ARFGEF1: variants seen among roughly 807,000 people sequenced by gnomAD.
ARFGEF1 encodes brefeldin A-inhibited guanine nucleotide-exchange protein 1.
ARFGEF1 carries 42 observed loss-of-function variants against 231.0 expected under a neutral mutation model. That is an observed-to-expected ratio of 0.18 (90% CI 0.14 to 0.24). The LOEUF is 0.24. Ranked by LOEUF, ARFGEF1 falls within the 10% of genes least tolerant of loss-of-function variation. The pLI is 1.00. For missense variants in ARFGEF1, 1,345 were observed against 2,192.0 expected (o/e 0.61, Z 7.72); for synonymous variants, 710 against 732.3 (o/e 0.97, Z 0.49).
chr8:67,285,466 A>T (rs1805716975), intron 7 of ARFGEF1, among the ~76,000 whole-genome samples: 1 of 152,164 alleles, frequency 6.6e-6, no homozygotes, highest in Non-Finnish European at 1.5e-5. Flanking sequence ...GCAGTAAGCC[A>T]AGACTGTACC....
chr8:67,306,918 C>T (rs1250424639), intron 1 of ARFGEF1, among the ~76,000 whole-genome samples: 1 of 152,136 alleles, frequency 6.6e-6, no homozygotes, highest in East Asian at 1.9e-4. Flanking sequence ...GCTGGGACTA[C>T]GGGGTGCCCG....
Position 67,204,426 on chromosome 8 carries a change from C to T in ARFGEF1, c.4959+254G>A, listed in dbSNP as rs1279923362. 6.6e-5 allele frequency among the ~76,000 whole-genome samples: 10 copies of T among 152,268 alleles called. No individual in the cohort carries two copies. The East Asian group carries it at 9.7e-4, about 15-fold the overall frequency. On this transcript the variant is annotated intron_variant, in intron 35 of 38. Coordinates refer to ENST00000262215, the MANE Select transcript of ARFGEF1 (RefSeq NM_006421.5). Reference sequence around the variant, plus strand: ...TGCCTCCCCATGCCTCATGGATTCTCGTCTTCAGTCTCTGCTAGCTGCCTC... The same window carrying T: ...TGCCTCCCCATGCCTCATGGATTCTTGTCTTCAGTCTCTGCTAGCTGCCTC...
intron 1 of ARFGEF1, among the ~76,000 whole-genome samples, chr8:67,321,168 G>T (rs865899969): frequency 3.4e-4 from 52 of 151,734 alleles, no homozygotes; most frequent in Middle Eastern, 6.8e-3. Context: ...AGTATGGGGG[G>T]GGGTTTGGGG....
rs1738539322 is a variant in ARFGEF1 at position 67,179,722 on chromosome 8, T to A, written c.561-4150A>T. On this transcript the variant is annotated intron_variant, in intron 5 of 5. Coordinates refer to the ARFGEF1 transcript ENST00000518789. ...AGGCTTTCCAGTATTTTCTGAGCAT[T>A]GGAATGTAGTCAGTCCTACCTCTAC... 9 of 589,384 alleles carry A rather than the reference T, an allele frequency of 1.5e-5. No homozygotes were observed. The South Asian group carries it at 1.7e-4, about 11-fold the overall frequency. 36.5% of individuals were successfully genotyped at this position (589,384 alleles called of 1,614,324 possible).
chr8:67,207,968 C>T (rs78354709), intron 34 of ARFGEF1, among the ~76,000 whole-genome samples: 1 of 152,270 alleles, frequency 6.6e-6, no homozygotes, highest in East Asian at 1.9e-4. Flanking sequence ...TAGCCAAGTG[C>T]ACACTTTCCA....
intron 10 of ARFGEF1, among the ~76,000 whole-genome samples, chr8:67,270,714 TAA>T (rs11349768): frequency 0.033 from 4,152 of 127,602 alleles, 195 homozygotes; most frequent in African/African-American, 0.11. Context: ...TGGTACACCT[TAA>T]AAAAAAAAAA....
intron 35 of ARFGEF1, among the ~76,000 whole-genome samples, chr8:67,203,842 C>T (rs911973974): frequency 1.3e-5 from 2 of 152,208 alleles, no homozygotes; most frequent in Non-Finnish European, 2.9e-5. Context: ...CTACCCCAAA[C>T]GTACCAGACT....
chr8:67,326,630 A>G, intron 1 of ARFGEF1, among the ~76,000 whole-genome samples: 1 of 152,242 alleles, frequency 6.6e-6, no homozygotes, highest in East Asian at 1.9e-4. Context: ...ACTTAAGATT[A>G]CCAAAGACAT....
At chr8:67,321,662 G>A (rs969767462) in intron 1 of ARFGEF1, among the ~76,000 whole-genome samples, 9 of 151,356 alleles carry the variant, frequency 5.9e-5, no homozygotes, top group South Asian at 2.1e-4. Context: ...GGGTTTCACC[G>A]TGTTAGCCAA....
chr8:67,317,102 G>A (rs1400583977), intron 1 of ARFGEF1, among the ~76,000 whole-genome samples: 2 of 152,168 alleles, frequency 1.3e-5, no homozygotes, highest in Non-Finnish European at 2.9e-5. Flanking sequence ...ACACATCAAT[G>A]AGCTGAGAGG....
In ARFGEF1 at chr8:67,188,746, C is replaced by A. The variant is rs543397557; in HGVS notation, c.560+11650G>T. Among the ~76,000 whole-genome samples, 5 of 152,158 alleles carry A rather than the reference C, an allele frequency of 3.3e-5. No individual in the cohort carries two copies. In the East Asian group the frequency reaches 9.6e-4, roughly 29 times the overall value. ...GATGTCCTCTACACTTCTGATCCAGCGGGGTGGCACCCACTGCTGCTCCCA... is the reference window on the plus strand; with the variant it reads ...GATGTCCTCTACACTTCTGATCCAGAGGGGTGGCACCCACTGCTGCTCCCA... On this transcript the variant is annotated intron_variant, in intron 5 of 5. Coordinates refer to the ARFGEF1 transcript ENST00000518789.
rs528932191 is a variant in ARFGEF1 at position 67,299,341 on chromosome 8, A to G, written c.327T>C (p.Tyr109=). The G allele has an allele frequency of 6.9e-6, 11 of 1,602,444 alleles. No homozygotes were observed. In the East Asian group the frequency reaches 2.5e-4, roughly 36 times the overall value. ...CTGGAGCATTGCCAGTCAAGTGCCC[A>G]TAAGCAATAAGTTTCTAAAATGGAG... The part of the protein sequence containing the change: ...SLDCLQKLIA[Y]GHLTGNAPDS... The change falls in exon 4 of 39, where the codon TAT becomes TAC. Residue 109 remains tyrosine (Y), a synonymous_variant. Coordinates refer to ENST00000262215, the MANE Select transcript of ARFGEF1 (RefSeq NM_006421.5).
At chr8:67,183,306 G>A (rs953907243) in intron 5 of ARFGEF1, among the ~76,000 whole-genome samples, 3 of 152,202 alleles carry the variant, frequency 2.0e-5, no homozygotes, top group African/African-American at 4.8e-5. Context: ...GGATATAATG[G>A]ATGTCGAAAG....
chr8:67,329,702 A>C (rs1258267324), intron 1 of ARFGEF1, among the ~76,000 whole-genome samples: 3 of 151,836 alleles, frequency 2.0e-5, no homozygotes, highest in African/African-American at 7.2e-5. Flanking sequence ...AATTATTAAC[A>C]GTGACTATCT....
At chr8:67,204,996 A>C (rs937000736) in intron 34 of ARFGEF1, 177 bp from the exon 35 acceptor site, 3 of 770,194 alleles carry the variant, frequency 3.9e-6, no homozygotes, top group Non-Finnish European at 5.9e-6. Flanking sequence ...TGATATTTAG[A>C]AAAGCCTCGG....
At chr8:67,224,325 C>T (rs1423651541) in intron 29 of ARFGEF1, among the ~76,000 whole-genome samples, 7 of 152,036 alleles carry the variant, frequency 4.6e-5, no homozygotes, top group Admixed American at 6.6e-5. Flanking sequence ...TCATGTGAGC[C>T]GTGACCTAAG....
chr8:67,240,359 A>G, intron 19 of ARFGEF1, 69 bp from the exon 20 acceptor site: 3 of 1,358,620 alleles, frequency 2.2e-6, no homozygotes, highest in Non-Finnish European at 3.0e-6. Context: ...CAAATCTTTT[A>G]GACAATACAA....
At chr8:67,322,994 C>T (rs1258460433) in intron 1 of ARFGEF1, among the ~76,000 whole-genome samples, 1 of 152,122 alleles carries the variant, frequency 6.6e-6, no homozygotes, top group Non-Finnish European at 1.5e-5. Context: ...CGGTGGCTCA[C>T]GCCTGTAATC....
At chr8:67,238,973 C>A in intron 20 of ARFGEF1, 80 bp from the exon 21 acceptor site, 4 of 1,033,224 alleles carry the variant, frequency 3.9e-6, no homozygotes, top group African/African-American at 1.6e-5. Context: ...ACTCTGTTTA[C>A]TTGTTCAGTA....
Sources: gnomAD v4.1 joint callset for allele counts (sites outside exome capture counted in the v4.1 genomes callset) on GRCh38, gnomAD v4.1.1 for gene constraint, MANE v1.5 for transcripts, NCBI Gene and HGNC (gene_info 2026-07-23, HGNC 2026-07-21) for gene names.